PTPRK: variants seen among roughly 807,000 people sequenced by gnomAD.
The protein encoded by PTPRK is receptor-type tyrosine-protein phosphatase kappa.
A neutral mutation model predicts 178.0 loss-of-function variants in PTPRK; 75 were observed. The ratio of observed to expected loss-of-function variants is 0.42; its 90% CI spans 0.35 to 0.51. The LOEUF is 0.51. Among genes scored for constraint, PTPRK ranks in the 20% least tolerant of loss-of-function variants. The pLI, the probability that PTPRK is intolerant of heterozygous loss-of-function variation, is 0.02. For missense variants in PTPRK, 1,441 were observed against 1,797.8 expected (o/e 0.80, Z 3.59); for synonymous variants, 637 against 620.6 (o/e 1.03, Z -0.39).
intron 1 of PTPRK, among the ~76,000 whole-genome samples, chr6:128,414,272 T>A (rs747984040): frequency 4.6e-5 from 7 of 152,158 alleles, no homozygotes; most frequent in Non-Finnish European, 8.8e-5. Context: ...TATCATAGCC[T>A]CCTTTCACAC....
chr6:128,027,774 G>A (rs1774572125), intron 13 of PTPRK: 1 of 152,186 alleles, frequency 6.6e-6, no homozygotes, highest in South Asian at 2.1e-4. Context: ...TTTGTTTTTA[G>A]TAGAGACGGG....
chr6:128,381,386 G>C (rs1349080476), intron 2 of PTPRK, among the ~76,000 whole-genome samples: 5 of 152,052 alleles, frequency 3.3e-5, no homozygotes, highest in African/African-American at 1.2e-4. Flanking sequence ...TGTACTCAGT[G>C]AGCAATTATA....
chr6:128,319,127 C>A (rs541071320), intron 3 of PTPRK, among the ~76,000 whole-genome samples: 21 of 152,190 alleles, frequency 1.4e-4, no homozygotes, highest in Non-Finnish European at 7.4e-5. Flanking sequence ...AAGAAAAATA[C>A]ACAGTACAGT....
At chr6:128,006,122 C>T (rs1778384619) in intron 14 of PTPRK, 2 of 1,169,638 alleles carry the variant, frequency 1.7e-6, no homozygotes, top group Admixed American at 4.5e-5. Flanking sequence ...GACTCTGTCA[C>T]ATTCAATAAA....
At chr6:128,457,480 T>C (rs923299454) in intron 1 of PTPRK, among the ~76,000 whole-genome samples, 6 of 152,136 alleles carry the variant, frequency 3.9e-5, no homozygotes, top group African/African-American at 1.4e-4. Flanking sequence ...TCTGTCTTAC[T>C]AAAAATATTC....
At chr6:128,474,202 A>AAACAAACC (rs921235452) in intron 1 of PTPRK, among the ~76,000 whole-genome samples, 10 of 151,658 alleles carry the variant, frequency 6.6e-5, no homozygotes, top group South Asian at 2.1e-4. Flanking sequence ...ACAAACAAAC[A>AAACAAACC]AACCCTGAAA....
At chr6:128,266,792 T>G (rs1381108178) in intron 3 of PTPRK, among the ~76,000 whole-genome samples, 1 of 152,096 alleles carries the variant, frequency 6.6e-6, no homozygotes, top group South Asian at 2.1e-4. Context: ...TTTTGTGTGC[T>G]TCCTGAAAAC....
At chr6:128,456,012 G>A (rs183492351) in intron 1 of PTPRK, among the ~76,000 whole-genome samples, 14 of 152,114 alleles carry the variant, frequency 9.2e-5, no homozygotes, top group African/African-American at 3.1e-4. Context: ...GACAGAACCA[G>A]GGAATTATCA....
intron 3 of PTPRK, among the ~76,000 whole-genome samples, chr6:128,292,503 A>T (rs1235421075): frequency 6.6e-6 from 1 of 152,124 alleles, no homozygotes; most frequent in Non-Finnish European, 1.5e-5. Flanking sequence ...CCCTTTGGAA[A>T]TACTGGTTTC....
chr6:128,021,607 T>C (rs1773527970), intron 13 of PTPRK, among the ~76,000 whole-genome samples: 1 of 152,134 alleles, frequency 6.6e-6, no homozygotes, highest in South Asian at 2.1e-4. Context: ...GCCACTGCAC[T>C]CCAGCCTGGG....
At chr6:128,203,332 G>T (rs1480407462) in intron 6 of PTPRK, among the ~76,000 whole-genome samples, 1 of 152,140 alleles carries the variant, frequency 6.6e-6, no homozygotes, top group East Asian at 1.9e-4. Context: ...TGCTGATTGG[G>T]CAAAAGCTGG....
chr6:128,478,685 C>T (rs979315855), intron 1 of PTPRK, among the ~76,000 whole-genome samples: 1 of 152,014 alleles, frequency 6.6e-6, no homozygotes, highest in African/African-American at 2.4e-5. Context: ...TTCAGCAGAA[C>T]ATTTTCAGTT....
intron 6 of PTPRK, among the ~76,000 whole-genome samples, chr6:128,185,991 T>C (rs575254950): frequency 6.6e-6 from 1 of 152,260 alleles, no homozygotes; most frequent in African/African-American, 2.4e-5. Flanking sequence ...GTTTCTAGCT[T>C]AAAAGCCTCT....
At chr6:128,489,284 A>C (rs2128428176) in intron 1 of PTPRK, among the ~76,000 whole-genome samples, 1 of 152,354 alleles carries the variant, frequency 6.6e-6, no homozygotes, top group African/African-American at 2.4e-5. Flanking sequence ...ATAGATAACA[A>C]ATTGGCTTCA....
intron 1 of PTPRK, among the ~76,000 whole-genome samples, chr6:128,476,500 T>C (rs1300151262): frequency 6.6e-6 from 1 of 152,004 alleles, no homozygotes; most frequent in Non-Finnish European, 1.5e-5. Flanking sequence ...GGTCAACCAA[T>C]CCAAAAATAT....
chr6:127,979,060 A>T (rs772900131), intron 25 of PTPRK, among the ~76,000 whole-genome samples: 1 of 152,116 alleles, frequency 6.6e-6, no homozygotes, highest in East Asian at 1.9e-4. Context: ...CAACTTTCAT[A>T]CAGAAAAAAA....
At chr6:128,288,879 A>G (rs1349108011) in intron 3 of PTPRK, among the ~76,000 whole-genome samples, 1 of 152,120 alleles carries the variant, frequency 6.6e-6, no homozygotes, top group East Asian at 1.9e-4. Flanking sequence ...ATTTAAAAGT[A>G]TGAAATACCT....
At chr6:128,110,613 T>C (rs531152684) in intron 7 of PTPRK, among the ~76,000 whole-genome samples, 4 of 150,560 alleles carry the variant, frequency 2.7e-5, no homozygotes, top group Admixed American at 6.6e-5. Context: ...ACTTTGAAGA[T>C]AGAAGTAAAA....
At chr6:128,339,634 C>T (rs1294528637) in intron 2 of PTPRK, among the ~76,000 whole-genome samples, 3 of 152,054 alleles carry the variant, frequency 2.0e-5, no homozygotes, top group Admixed American at 1.3e-4. Flanking sequence ...TTCCTCCCCA[C>T]GGTAGCTTTG....
Sources: allele counts gnomAD v4.1 joint callset (sites outside exome capture counted in the v4.1 genomes callset), GRCh38; gene constraint gnomAD v4.1.1; transcripts MANE v1.5; gene names NCBI Gene and HGNC (gene_info 2026-07-23, HGNC 2026-07-21).